The following SEMA3A variants were observed in gnomAD, a reference collection of about 807,000 sequenced individuals.
The protein encoded by SEMA3A is semaphorin-3A.
A neutral mutation model predicts 97.9 loss-of-function variants in SEMA3A; 29 were observed. The ratio of observed to expected loss-of-function variants is 0.30; its 90% CI spans 0.22 to 0.40. The LOEUF (loss-of-function observed/expected upper bound fraction) is 0.40. Ranked by LOEUF, SEMA3A falls within the 10% of genes least tolerant of loss-of-function variation. The probability of loss-of-function intolerance (pLI) is 1.00; values close to 1 mark genes in which losing one functional copy is unlikely to be tolerated. For missense variants in SEMA3A, 763 were observed against 951.3 expected, an observed-to-expected ratio of 0.80 and a Z score of 2.60; for synonymous variants, 321 against 323.7, an observed-to-expected ratio of 0.99 and a Z score of 0.09.
intron 1 of SEMA3A, among the ~76,000 whole-genome samples, chr7:84,453,766 C>CA (rs917642808): frequency 1.3e-4 from 19 of 151,682 alleles, no homozygotes; most frequent in Admixed American, 2.6e-4. Context: ...CCTTTCTTTG[C>CA]AAAAAAAACT....
intron 3 of SEMA3A, among the ~76,000 whole-genome samples, chr7:84,289,113 GCACAGAATGA>G (rs1800674076): frequency 6.6e-6 from 1 of 152,098 alleles, no homozygotes; most frequent in Non-Finnish European, 1.5e-5. Flanking sequence ...AGTAAGCCAG[GCACAGAATGA>G]CAAATACTAC....
intron 2 of SEMA3A, among the ~76,000 whole-genome samples, chr7:84,337,451 C>T (rs1802064786): frequency 6.6e-6 from 1 of 152,144 alleles, no homozygotes; most frequent in South Asian, 2.1e-4. Context: ...AGGTAGTTCT[C>T]ATCTTCCAGT....
chr7:84,024,640 T>C (rs1353380207), intron 6 of SEMA3A, among the ~76,000 whole-genome samples: 3 of 151,648 alleles, frequency 2.0e-5, no homozygotes, highest in Non-Finnish European at 4.4e-5. Flanking sequence ...CTTTGAGGAG[T>C]GTTGGGAGAA....
intron 1 of SEMA3A, among the ~76,000 whole-genome samples, chr7:84,178,166 C>G (rs1387882067): frequency 6.6e-6 from 1 of 152,122 alleles, no homozygotes. Flanking sequence ...ATTATCTCAA[C>G]TCTTGAGTTA....
At chr7:84,020,322 G>A (rs1438365225) in intron 6 of SEMA3A, among the ~76,000 whole-genome samples, 1 of 151,644 alleles carries the variant, frequency 6.6e-6, no homozygotes, top group East Asian at 1.9e-4. Flanking sequence ...TGGATTACAG[G>A]TGTGAGCCAC....
chr7:84,085,712 G>T (rs1794314150), intron 4 of SEMA3A, among the ~76,000 whole-genome samples: 4 of 151,850 alleles, frequency 2.6e-5, no homozygotes, highest in Admixed American at 1.3e-4. Flanking sequence ...CTAATTTTTT[G>T]ATATCTTTCT....
At chr7:84,274,663 A>T (rs537860051) in intron 3 of SEMA3A, among the ~76,000 whole-genome samples, 2 of 152,106 alleles carry the variant, frequency 1.3e-5, no homozygotes, top group Non-Finnish European at 2.9e-5. Context: ...TGTACTTATA[A>T]ATTATATGTA....
intron 3 of SEMA3A, among the ~76,000 whole-genome samples, chr7:84,212,635 G>A (rs1798658526): frequency 6.6e-6 from 1 of 152,154 alleles, no homozygotes; most frequent in East Asian, 1.9e-4. Context: ...TGTTTCCTCT[G>A]TTGGAGAACT....
chr7:84,341,866 T>A (rs1436761225), intron 2 of SEMA3A, among the ~76,000 whole-genome samples: 3 of 151,914 alleles, frequency 2.0e-5, no homozygotes, highest in Non-Finnish European at 4.4e-5. Flanking sequence ...CTTTTTTAAC[T>A]AAAATCTTCT....
chr7:84,418,930 T>C (rs1267232110), intron 1 of SEMA3A, among the ~76,000 whole-genome samples: 2 of 151,316 alleles, frequency 1.3e-5, no homozygotes, highest in Non-Finnish European at 2.9e-5. Context: ...CACATATATA[T>C]ATACATATAT....
At chr7:84,023,124 T>G (rs2116444821) in intron 6 of SEMA3A, among the ~76,000 whole-genome samples, 1 of 152,356 alleles carries the variant, frequency 6.6e-6, no homozygotes, top group South Asian at 2.1e-4. Flanking sequence ...GAAATATTTT[T>G]AGCAGCTGCA....
intron 4 of SEMA3A, among the ~76,000 whole-genome samples, chr7:84,077,819 T>A (rs547829241): frequency 6.6e-6 from 1 of 152,124 alleles, no homozygotes; most frequent in African/African-American, 2.4e-5. Flanking sequence ...TTACTGTGAA[T>A]ATATCTTTAT....
At chr7:84,409,826 G>C (rs1804210331) in intron 1 of SEMA3A, among the ~76,000 whole-genome samples, 2 of 152,042 alleles carry the variant, frequency 1.3e-5, no homozygotes, top group South Asian at 4.1e-4. Context: ...AATTAATTTA[G>C]AAAGAAGTTA....
At position 84,134,807 on chromosome 7, in the gene SEMA3A, T is replaced by C. The variant is rs748265121; in HGVS notation, c.257A>G (p.Lys86Arg). ...HIFSFDLVNI[K>R]DFQKIVWPVS... ...GAATACTGATACCTTTTGAAAATCCTTGATATTAACCAGGTCGAATGAAAA... is the reference window on the plus strand; with the variant it reads ...GAATACTGATACCTTTTGAAAATCCCTGATATTAACCAGGTCGAATGAAAA... The change falls in exon 2 of 17, where the codon AAG (lysine) becomes AGG (arginine). Residue 86 changes from lysine (K) to arginine (R), a missense_variant. Physicochemically the swap from Lys to Arg is conservative, Grantham distance 26. Around this residue, in one of 2 missense-constraint regions of SEMA3A, gnomAD observed 678 missense variants for 881.3 expected, o/e 0.77. Transcript: ENST00000265362. 3.1e-6 allele frequency: 5 copies of C among 1,610,636 alleles called. No homozygotes were observed. In the Admixed American group the frequency reaches 6.7e-5, roughly 22 times the overall value.
At chr7:84,086,358 C>T (rs1794340775) in intron 4 of SEMA3A, among the ~76,000 whole-genome samples, 1 of 150,728 alleles carries the variant, frequency 6.6e-6, no homozygotes, top group South Asian at 2.1e-4. Context: ...CCTTAATCTC[C>T]TTAAGGCTGT....
chr7:84,229,542 T>C (rs576129802), intron 3 of SEMA3A, among the ~76,000 whole-genome samples: 2 of 152,246 alleles, frequency 1.3e-5, no homozygotes, highest in South Asian at 4.1e-4. Flanking sequence ...TATTTCTTAG[T>C]TTCTGGGGAC....
At chr7:83,980,623 A>AAAAAAAAATAT (rs1310318006) in intron 14 of SEMA3A, among the ~76,000 whole-genome samples, 48 of 71,740 alleles carry the variant, frequency 6.7e-4, no homozygotes, top group African/African-American at 3.2e-3. Context: ...AAAAAAAAAA[A>AAAAAAAAATAT]ATATATATAT....
chr7:84,369,518 A>G (rs570805230), intron 2 of SEMA3A, among the ~76,000 whole-genome samples: 1 of 151,358 alleles, frequency 6.6e-6, no homozygotes, highest in Admixed American at 6.6e-5. Context: ...AGAAGAATCT[A>G]GTCTTCAGAT....
intron 4 of SEMA3A, among the ~76,000 whole-genome samples, chr7:84,072,554 A>T (rs761636437): frequency 2.6e-5 from 4 of 152,086 alleles, no homozygotes; most frequent in Non-Finnish European, 5.9e-5. Flanking sequence ...TTCACCTTGT[A>T]TTTATTTTTG....
Sources: allele counts gnomAD v4.1 joint callset (sites outside exome capture counted in the v4.1 genomes callset), GRCh38; gene constraint gnomAD v4.1.1; regional missense constraint gnomAD v4.1.1; transcripts MANE v1.5; gene names NCBI Gene and HGNC (gene_info 2026-07-23, HGNC 2026-07-21).